The following IKZF3 variants were observed in gnomAD, a reference collection of about 807,000 sequenced individuals.
IKZF3 encodes zinc finger protein Aiolos.
IKZF3 carries 10 observed loss-of-function variants against 49.0 expected under a neutral mutation model. That is an observed-to-expected ratio of 0.20 (90% confidence interval 0.13 to 0.35). The LOEUF (loss-of-function observed/expected upper bound fraction) is 0.35, where lower values mean the gene tolerates loss of function less well. Among genes scored for constraint, IKZF3 ranks in the 10% least tolerant of loss-of-function variants. The probability of loss-of-function intolerance (pLI) is 1.00; values close to 1 mark genes in which losing one functional copy is unlikely to be tolerated. For synonymous variants in IKZF3, 209 were observed against 228.2 expected (o/e 0.92, Z 0.76); for missense variants, 498 against 664.8 (o/e 0.75, Z 2.76).
intron 3 of IKZF3, among the ~76,000 whole-genome samples, chr17:39,816,855 AG>A (rs1283112759): frequency 3.9e-5 from 6 of 152,200 alleles, no homozygotes; most frequent in Non-Finnish European, 5.9e-5. Context: ...CTGGGATTAC[AG>A]GCATGCGCCA....
chr17:39,853,636 G>C (rs1401927061), intron 1 of IKZF3, among the ~76,000 whole-genome samples: 2 of 152,058 alleles, frequency 1.3e-5, no homozygotes, highest in African/African-American at 4.8e-5. Flanking sequence ...AGGAGTTCAA[G>C]ACTAGCCTGA....
intron 7 of IKZF3, among the ~76,000 whole-genome samples, chr17:39,772,037 T>G (rs1401090572): frequency 6.6e-6 from 1 of 152,088 alleles, no homozygotes. Context: ...CATGAGGCAC[T>G]GTGCCTGGCC....
chr17:39,795,626 C>A (rs568597375), intron 3 of IKZF3, among the ~76,000 whole-genome samples: 19 of 151,672 alleles, frequency 1.3e-4, no homozygotes, highest in African/African-American at 4.6e-4. Flanking sequence ...AGGCTGGTCT[C>A]GAACTCCTGA....
chr17:39,804,320 C>T (rs546239551), intron 3 of IKZF3, among the ~76,000 whole-genome samples: 12 of 152,058 alleles, frequency 7.9e-5, no homozygotes, highest in African/African-American at 2.2e-4. Context: ...TAGTGGCACG[C>T]GCCTGTAATC....
intron 6 of IKZF3, among the ~76,000 whole-genome samples, chr17:39,781,508 TTCTTATTAG>T (rs2143770935): frequency 6.6e-6 from 1 of 152,340 alleles, no homozygotes; most frequent in African/African-American, 2.4e-5. Flanking sequence ...TTTACCATTG[TTCTTATTAG>T]TCTATTGTGG....
At chr17:39,862,709 A>C (rs973114962) in intron 1 of IKZF3, among the ~76,000 whole-genome samples, 4 of 152,136 alleles carry the variant, frequency 2.6e-5, no homozygotes, top group African/African-American at 7.2e-5. Flanking sequence ...AAAGTTATTG[A>C]TCTACATTCT....
chr17:39,850,113 T>C (rs2062759841), intron 1 of IKZF3, among the ~76,000 whole-genome samples: 1 of 141,490 alleles, frequency 7.1e-6, no homozygotes, highest in South Asian at 2.1e-4. Context: ...TATATGTATA[T>C]ATACTATATG....
intron 3 of IKZF3, among the ~76,000 whole-genome samples, chr17:39,813,348 T>C (rs1340639969): frequency 6.6e-6 from 1 of 150,416 alleles, no homozygotes; most frequent in Non-Finnish European, 1.5e-5. Flanking sequence ...ATGTTTTCTG[T>C]TAAAAAGTTT....
At chr17:39,836,749 C>T (rs1444233043) in intron 1 of IKZF3, among the ~76,000 whole-genome samples, 1 of 152,084 alleles carries the variant, frequency 6.6e-6, no homozygotes, top group Admixed American at 6.5e-5. Context: ...AAGCTTGCAA[C>T]CATTTAGGCC....
chr17:39,859,368 C>T (rs945252535), intron 1 of IKZF3, among the ~76,000 whole-genome samples: 8 of 150,072 alleles, frequency 5.3e-5, no homozygotes, highest in African/African-American at 2.0e-4. Flanking sequence ...GCCTTGGTGT[C>T]ATCCTTATGA....
At chr17:39,812,788 C>G (rs1301326363) in intron 3 of IKZF3, among the ~76,000 whole-genome samples, 4 of 152,200 alleles carry the variant, frequency 2.6e-5, no homozygotes, top group Non-Finnish European at 5.9e-5. Flanking sequence ...ACCAACACTA[C>G]TGCTTAACAG....
intron 5 of IKZF3, 149 bp downstream of exon 5, chr17:39,791,267 G>A (rs1257969511): frequency 2.4e-5 from 17 of 708,388 alleles, no homozygotes; most frequent in East Asian, 5.5e-5. Context: ...CTTAATGGTC[G>A]TGTAATTAGC....
intron 1 of IKZF3, among the ~76,000 whole-genome samples, chr17:39,846,032 C>A (rs1470802981): frequency 1.3e-5 from 2 of 152,084 alleles, no homozygotes; most frequent in African/African-American, 2.4e-5. Context: ...TTTCTTATTT[C>A]ATTTAAAAGC....
At position 39,765,887 on chromosome 17, in the gene IKZF3, T is replaced by G. The variant is rs147171585; in HGVS notation, c.1433A>C (p.Asp478Ala). 1 of 1,614,118 alleles carries G rather than the reference T, an allele frequency of 6.2e-7. No homozygotes were observed. The highest frequency in any genetic ancestry group is 1.3e-5 in the African/African-American group (1 of 74,932). Residue 478 changes from aspartate to alanine, a missense_variant, in exon 8 of 8, where the codon GAC becomes GCC. Physicochemically the swap from Asp to Ala is moderately radical, Grantham distance 126. This residue lies in a region of IKZF3 where 317 missense variants were observed against 397.3 expected (regional missense o/e 0.80). Coordinates refer to ENST00000346872, the MANE Select transcript of IKZF3 (RefSeq NM_012481.5). The part of the protein sequence containing the change: ...TIHMGCHGFR[D>A]PFECNMCGYR... ...TCCACACATGTTACACTCGAAAGGG[T>G]CACGGAAGCCGTGGCAGCCCATGTG...
chr17:39,766,172 C>T lies in IKZF3; in HGVS notation c.1148G>A (p.Gly383Asp). ...GCTGTCAGTGTCCGTGGAGTCGTGGCCACTATTGTTGGGAGAGAGGCCTCT... is the reference window on the plus strand; with the variant it reads ...GCTGTCAGTGTCCGTGGAGTCGTGGTCACTATTGTTGGGAGAGAGGCCTCT... Reference protein sequence around the residue: ...SERGLSPNNSGHDSTDTDSNH... With the variant: ...SERGLSPNNSDHDSTDTDSNH... The change falls in exon 8 of 8, where the codon GGC (glycine) becomes GAC (aspartate). Residue 383 changes from glycine (G) to aspartate (D), a missense_variant. Gly to Asp is a moderately conservative substitution (Grantham distance 94). Around this residue, in one of 3 missense-constraint regions of IKZF3, gnomAD observed 317 missense variants for 397.3 expected, o/e 0.80. Transcript: ENST00000346872. 6.2e-7 allele frequency: 1 copy of T among 1,613,980 alleles called. No individual in the cohort carries two copies. Among genetic ancestry groups the T allele is most frequent in the Non-Finnish European group, 8.5e-7 (1 of 1,179,990 alleles).
At chr17:39,820,961 A>ACGTCAC (rs2061795885) in intron 3 of IKZF3, among the ~76,000 whole-genome samples, 1 of 152,198 alleles carries the variant, frequency 6.6e-6, no homozygotes, top group East Asian at 1.9e-4. Context: ...TGGAAGCTCC[A>ACGTCAC]CGTCACCCCT....
intron 3 of IKZF3, among the ~76,000 whole-genome samples, chr17:39,795,206 C>T (rs1055761417): frequency 1.3e-5 from 2 of 152,144 alleles, no homozygotes; most frequent in African/African-American, 2.4e-5. Context: ...CAGATCTTAG[C>T]TTTAGTCCTT....
chr17:39,779,958 G>C (rs913156101), intron 6 of IKZF3, among the ~76,000 whole-genome samples: 2 of 152,114 alleles, frequency 1.3e-5, no homozygotes, highest in African/African-American at 4.8e-5. Flanking sequence ...CCAGTGCTTT[G>C]GGAGACTGAG....
At chr17:39,823,772 T>C (rs1377922127) in intron 3 of IKZF3, among the ~76,000 whole-genome samples, 2 of 152,200 alleles carry the variant, frequency 1.3e-5, no homozygotes, top group East Asian at 1.9e-4. Context: ...TATGGGTGCA[T>C]AGAAGTCAAG....
Sources: allele counts gnomAD v4.1 joint callset (sites outside exome capture counted in the v4.1 genomes callset), GRCh38; gene constraint gnomAD v4.1.1; regional missense constraint gnomAD v4.1.1; transcripts MANE v1.5; gene names NCBI Gene and HGNC (gene_info 2026-07-23, HGNC 2026-07-21).